IL1RAPL2: variants seen among roughly 807,000 people sequenced by gnomAD.
IL1RAPL2 encodes X-linked interleukin-1 receptor accessory protein-like 2.
A neutral mutation model predicts 44.1 loss-of-function variants in IL1RAPL2; 3 were observed. That is an observed-to-expected ratio of 0.07 (90% CI 0.03 to 0.18). IL1RAPL2 has a LOEUF of 0.18. IL1RAPL2 is among the 10% of genes least tolerant of loss of function. IL1RAPL2 has a pLI of 1.00. For missense variants in IL1RAPL2, 391 were observed against 496.4 expected (o/e 0.79, Z 2.02); for synonymous variants, 181 against 178.8 (o/e 1.01, Z -0.10).
At chrX:105,011,974 T>C (rs914304234) in intron 2 of IL1RAPL2, among the ~76,000 whole-genome samples, 5 of 111,419 alleles carry the variant, frequency 4.5e-5, no homozygotes, top group Non-Finnish European at 7.6e-5. Flanking sequence ...CAAAACAACA[T>C]AAATCAGTTA....
chrX:104,924,794 A>G (rs1163145152), intron 2 of IL1RAPL2, among the ~76,000 whole-genome samples: 1 of 111,566 alleles, frequency 9.0e-6, no homozygotes, highest in Non-Finnish European at 1.9e-5. Flanking sequence ...AGGAACTAGA[A>G]AAGCAGGAAC....
intron 2 of IL1RAPL2, among the ~76,000 whole-genome samples, chrX:104,974,936 T>C (rs1475594629): frequency 2.7e-5 from 3 of 112,257 alleles, no homozygotes; most frequent in African/African-American, 9.7e-5. Flanking sequence ...GGCCTGCGAG[T>C]TGGGATTCCT....
At position 105,002,108 on chromosome X, in the gene IL1RAPL2, G is replaced by A. The variant is rs181500471; in HGVS notation, c.83-193367G>A. On this transcript the variant is annotated intron_variant, in intron 2 of 10. Coordinates refer to ENST00000372582, the MANE Select transcript of IL1RAPL2 (RefSeq NM_017416.2). ...AATGGCACAGAATAGAAATGCAAAA[G>A]CATTAAACCTCCTTCAATGGGATCC... Among the ~76,000 whole-genome samples the A allele has an allele frequency of 4.3e-3, 474 of 110,842 alleles. 3 individuals carry two copies. Among genetic ancestry groups the A allele is most frequent in the Non-Finnish European group, 5.3e-3 (282 of 52,786 alleles).
intron 6 of IL1RAPL2, among the ~76,000 whole-genome samples, chrX:105,626,421 A>C (rs766951060): frequency 9.0e-6 from 1 of 111,157 alleles, no homozygotes; most frequent in South Asian, 3.8e-4. Context: ...GTACTGACAC[A>C]CCCAAAATTC....
At chrX:105,596,856 A>G (rs2037214667) in intron 6 of IL1RAPL2, among the ~76,000 whole-genome samples, 1 of 111,964 alleles carries the variant, frequency 8.9e-6, no homozygotes, top group Non-Finnish European at 1.9e-5. Flanking sequence ...TCCTGAGATT[A>G]TAAAATTCCT....
intron 2 of IL1RAPL2, among the ~76,000 whole-genome samples, chrX:104,976,313 GA>G (rs201646673): frequency 9.1e-6 from 1 of 110,250 alleles, no homozygotes; most frequent in Admixed American, 9.7e-5. Flanking sequence ...AGTCTAATGA[GA>G]AAAAAAACAA....
At chrX:104,813,826 G>A (rs149288418) in intron 2 of IL1RAPL2, among the ~76,000 whole-genome samples, 1,858 of 111,869 alleles carry the variant, frequency 0.017, 32 homozygotes, top group Middle Eastern at 0.028. Context: ...AAAGGAAACT[G>A]CAGCTGTGTC....
chrX:105,460,670 T>A (rs1368721899), intron 5 of IL1RAPL2, among the ~76,000 whole-genome samples: 1 of 111,852 alleles, frequency 8.9e-6, no homozygotes, highest in African/African-American at 3.2e-5. Context: ...CTCACTAGAA[T>A]ATTACAATGC....
At chrX:105,332,120 A>G (rs748807698) in intron 5 of IL1RAPL2, among the ~76,000 whole-genome samples, 2 of 110,498 alleles carry the variant, frequency 1.8e-5, no homozygotes, top group South Asian at 7.7e-4. Flanking sequence ...AAGCAAATGC[A>G]GGTATCGCAG....
At chrX:105,227,829 T>C (rs1307828765) in intron 3 of IL1RAPL2, among the ~76,000 whole-genome samples, 1 of 112,407 alleles carries the variant, frequency 8.9e-6, no homozygotes, top group Non-Finnish European at 1.9e-5. Flanking sequence ...TTTTTTAATA[T>C]TTGCAATTTA....
At chrX:104,943,653 C>T (rs1028355088) in intron 2 of IL1RAPL2, among the ~76,000 whole-genome samples, 8 of 111,460 alleles carry the variant, frequency 7.2e-5, no homozygotes, top group African/African-American at 2.6e-4. Flanking sequence ...CATAAGTCTT[C>T]TTCCTTCTTA....
intron 2 of IL1RAPL2, among the ~76,000 whole-genome samples, chrX:104,719,461 G>A (rs1931637298): frequency 9.0e-6 from 1 of 111,532 alleles, no homozygotes; most frequent in South Asian, 3.7e-4. Context: ...GAGAAAGAAT[G>A]GATATCTCTT....
At chrX:105,051,415 T>G (rs781619612) in intron 2 of IL1RAPL2, among the ~76,000 whole-genome samples, 3 of 113,029 alleles carry the variant, frequency 2.7e-5, no homozygotes, top group African/African-American at 9.6e-5. Flanking sequence ...GGGCTCCTGC[T>G]TGTCCCTGGC....
chrX:105,040,558 A>C (rs375204997), intron 2 of IL1RAPL2, among the ~76,000 whole-genome samples: 19 of 110,223 alleles, frequency 1.7e-4, no homozygotes, highest in Non-Finnish European at 3.4e-4. Context: ...ACAATTTCAG[A>C]TCCTGTTATT....
At chrX:105,760,081 G>A (rs1460782648) in intron 10 of IL1RAPL2, among the ~76,000 whole-genome samples, 1 of 111,351 alleles carries the variant, frequency 9.0e-6, no homozygotes, top group Non-Finnish European at 1.9e-5. Flanking sequence ...TTAAAGTCAA[G>A]AGAGAAAAAA....
At chrX:105,092,340 A>C (rs2032554016) in intron 2 of IL1RAPL2, among the ~76,000 whole-genome samples, 1 of 111,568 alleles carries the variant, frequency 9.0e-6, no homozygotes, top group African/African-American at 3.3e-5. Context: ...GGTTTATTGC[A>C]GGGAAATGAT....
chrX:105,708,465 G>A (rs1386398512), intron 6 of IL1RAPL2, among the ~76,000 whole-genome samples: 1 of 111,448 alleles, frequency 9.0e-6, no homozygotes, highest in Non-Finnish European at 1.9e-5. Flanking sequence ...AACTTGTACA[G>A]CAGGATTTAA....
intron 1 of IL1RAPL2, among the ~76,000 whole-genome samples, chrX:104,635,530 C>A (rs1435016312): frequency 8.9e-6 from 1 of 111,799 alleles, no homozygotes; most frequent in Non-Finnish European, 1.9e-5. Context: ...TTCTTGGAGG[C>A]TTTGTTTGTT....
chrX:105,320,424 A>G (rs1317379286), intron 5 of IL1RAPL2, among the ~76,000 whole-genome samples: 1 of 111,925 alleles, frequency 8.9e-6, no homozygotes, highest in Non-Finnish European at 1.9e-5. Flanking sequence ...AACTGCACAC[A>G]TTCAGTAAGG....
Sources: gnomAD v4.1 joint callset for allele counts (sites outside exome capture counted in the v4.1 genomes callset) on GRCh38, gnomAD v4.1.1 for gene constraint, MANE v1.5 for transcripts, NCBI Gene and HGNC (gene_info 2026-07-23, HGNC 2026-07-21) for gene names.